FAM222B: variants seen among roughly 807,000 people sequenced by gnomAD.
The protein encoded by FAM222B is family with sequence similarity 222 member B.
Under a neutral mutation model 38.0 loss-of-function variants are expected in FAM222B, and 12 were observed. The ratio of observed to expected loss-of-function variants is 0.32; its 90% CI spans 0.20 to 0.51. The LOEUF (loss-of-function observed/expected upper bound fraction) is 0.51, where lower values mean the gene tolerates loss of function less well. Among genes scored for constraint, FAM222B ranks in the 20% least tolerant of loss-of-function variants. FAM222B has a pLI of 0.97. For missense variants in FAM222B, 716 were observed against 754.2 expected, an observed-to-expected ratio of 0.95 and a Z score of 0.59; for synonymous variants, 329 against 317.2, an observed-to-expected ratio of 1.04 and a Z score of -0.40.
At chr17:28,800,101 G>A (rs2037150119) in intron 1 of FAM222B, among the ~76,000 whole-genome samples, 1 of 150,794 alleles carries the variant, frequency 6.6e-6, no homozygotes, top group African/African-American at 2.4e-5. Context: ...GCACGATCTC[G>A]GCTCACAGCA....
At chr17:28,781,474 G>A (rs2036166513) in intron 1 of FAM222B, among the ~76,000 whole-genome samples, 1 of 152,024 alleles carries the variant, frequency 6.6e-6, no homozygotes, top group South Asian at 2.1e-4. Flanking sequence ...AAACAGTATG[G>A]AGGTTTCTCA....
intron 1 of FAM222B, among the ~76,000 whole-genome samples, chr17:28,822,272 G>A (rs1426913768): frequency 6.7e-6 from 1 of 148,342 alleles, no homozygotes; most frequent in African/African-American, 2.5e-5. Flanking sequence ...CACCCACCTC[G>A]GCCTCCCAAA....
chr17:28,843,138 C>CT (rs1354572041), upstream of FAM222B, among the ~76,000 whole-genome samples: 189 of 80,262 alleles, frequency 2.4e-3, no homozygotes, highest in Middle Eastern at 7.2e-3. Context: ...AAATTTGGGT[C>CT]TTTTTTTTTT....
intron 1 of FAM222B, among the ~76,000 whole-genome samples, chr17:28,803,219 G>C (rs780846703): frequency 2.0e-5 from 3 of 152,092 alleles, no homozygotes; most frequent in Non-Finnish European, 4.4e-5. Flanking sequence ...GGTTGGCCAG[G>C]CTGGTCTCGA....
At chr17:28,824,613 G>A (rs1447596593) in intron 1 of FAM222B, among the ~76,000 whole-genome samples, 1 of 152,072 alleles carries the variant, frequency 6.6e-6, no homozygotes, top group African/African-American at 2.4e-5. Flanking sequence ...ACTTCCAAAG[G>A]TGTAACAATC....
At chr17:28,816,631 T>TA (rs578229698) in intron 1 of FAM222B, among the ~76,000 whole-genome samples, 55 of 149,594 alleles carry the variant, frequency 3.7e-4, no homozygotes, top group Middle Eastern at 3.5e-3. Flanking sequence ...TAGAACGGAA[T>TA]AAAAAAAACA....
At chr17:28,775,845 C>T (rs973605584) in intron 1 of FAM222B, among the ~76,000 whole-genome samples, 8 of 150,644 alleles carry the variant, frequency 5.3e-5, no homozygotes, top group African/African-American at 2.0e-4. Flanking sequence ...GGCGCCACTA[C>T]ACTCCAGCCT....
chr17:28,807,821 A>G (rs1567866473), intron 1 of FAM222B, among the ~76,000 whole-genome samples: 1 of 152,242 alleles, frequency 6.6e-6, no homozygotes, highest in Non-Finnish European at 1.5e-5. Flanking sequence ...TATAGAACAA[A>G]GTTTAAAGAA....
At chr17:28,779,992 A>T (rs559391214) in intron 1 of FAM222B, among the ~76,000 whole-genome samples, 10 of 149,806 alleles carry the variant, frequency 6.7e-5, no homozygotes, top group African/African-American at 2.2e-4. Flanking sequence ...TTTTTTTGAG[A>T]TGAAGTCTCG....
chr17:28,782,104 CACTTGAGACCAGGA>C (rs2036190642), intron 1 of FAM222B, among the ~76,000 whole-genome samples: 1 of 152,224 alleles, frequency 6.6e-6, no homozygotes, highest in African/African-American at 2.4e-5. Flanking sequence ...ATGGTAGGAT[CACTTGAGACCAGGA>C]ATTTGAGACC....
At chr17:28,801,482 G>A (rs1332000304) in intron 1 of FAM222B, among the ~76,000 whole-genome samples, 2 of 149,234 alleles carry the variant, frequency 1.3e-5, no homozygotes, top group Non-Finnish European at 3.0e-5. Context: ...AAAAGAAAAA[G>A]TTCTGGGAGA....
intron 1 of FAM222B, among the ~76,000 whole-genome samples, chr17:28,772,850 G>A (rs2035703561): frequency 1.3e-5 from 2 of 152,070 alleles, no homozygotes; most frequent in South Asian, 4.1e-4. Context: ...AGCCGAGATC[G>A]CGCCACTGCA....
intron 1 of FAM222B, among the ~76,000 whole-genome samples, chr17:28,835,723 G>A (rs990697931): frequency 2.6e-5 from 4 of 152,138 alleles, no homozygotes; most frequent in African/African-American, 9.7e-5. Context: ...GCAATAGCGA[G>A]TTTACAGCTC....
intron 1 of FAM222B, among the ~76,000 whole-genome samples, chr17:28,773,857 T>C (rs1454101506): frequency 6.6e-6 from 1 of 151,838 alleles, no homozygotes; most frequent in Non-Finnish European, 1.5e-5. Flanking sequence ...CTTCCTCCAG[T>C]ACTAAGAAAG....
intron 2 of FAM222B, among the ~76,000 whole-genome samples, chr17:28,761,194 G>A (rs1055922611): frequency 6.6e-6 from 1 of 152,220 alleles, no homozygotes; most frequent in Non-Finnish European, 1.5e-5. Context: ...CCCATCAGGG[G>A]GCTCAGCGGA....
upstream of FAM222B, among the ~76,000 whole-genome samples, chr17:28,843,799 T>C (rs1380551424): frequency 6.6e-6 from 1 of 152,058 alleles, no homozygotes; most frequent in Non-Finnish European, 1.5e-5. Context: ...CGGGGGTAAT[T>C]ATGTAAAGGC....
At chr17:28,826,753 A>G (rs1199466457) in intron 1 of FAM222B, among the ~76,000 whole-genome samples, 1 of 151,828 alleles carries the variant, frequency 6.6e-6, no homozygotes, top group African/African-American at 2.4e-5. Context: ...CCATAACAGC[A>G]GGGACTTTGT....
intron 1 of FAM222B, among the ~76,000 whole-genome samples, chr17:28,799,988 G>A (rs537903436): frequency 6.6e-6 from 1 of 151,050 alleles, no homozygotes; most frequent in South Asian, 2.1e-4. Flanking sequence ...ATGTAACTAT[G>A]ACTTTGATAA....
At chr17:28,836,509 C>T (rs903444479) in intron 1 of FAM222B, among the ~76,000 whole-genome samples, 1 of 151,952 alleles carries the variant, frequency 6.6e-6, no homozygotes, top group African/African-American at 2.4e-5. Context: ...GCAAGACTCA[C>T]GTCTCCAACA....
Sources: gnomAD v4.1 joint callset for allele counts (sites outside exome capture counted in the v4.1 genomes callset) on GRCh38, gnomAD v4.1.1 for gene constraint, MANE v1.5 for transcripts, NCBI Gene and HGNC (gene_info 2026-07-23, HGNC 2026-07-21) for gene names.